Variants in UNC5C observed in about 807,000 individuals in gnomAD.
UNC5C encodes the protein netrin receptor UNC5C.
In UNC5C, 47 loss-of-function variants were observed where a neutral mutation model predicts 99.8. The ratio of observed to expected loss-of-function variants is 0.47; its 90% CI spans 0.37 to 0.60. The LOEUF is 0.60. Among genes scored for constraint, UNC5C ranks in the 20% least tolerant of loss-of-function variants. The pLI is 0.00. For synonymous variants in UNC5C, 487 were observed against 452.2 expected (o/e 1.08, Z -0.98); for missense variants, 1,062 against 1,165.9 (o/e 0.91, Z 1.30).
At chr4:95,411,649 T>C (rs1475204654) in intron 1 of UNC5C, among the ~76,000 whole-genome samples, 2 of 152,216 alleles carry the variant, frequency 1.3e-5, no homozygotes, top group East Asian at 1.9e-4. Context: ...TGCATTTCAC[T>C]GGAGGAAATT....
chr4:95,439,698 T>G (rs533226266), intron 1 of UNC5C, among the ~76,000 whole-genome samples: 13 of 152,328 alleles, frequency 8.5e-5, no homozygotes, highest in African/African-American at 2.9e-4. Context: ...AAAGGTGTTC[T>G]GAGGTCAAAT....
intron 1 of UNC5C, among the ~76,000 whole-genome samples, chr4:95,343,880 TAC>T (rs1158175709): frequency 3.3e-5 from 5 of 151,892 alleles, no homozygotes; most frequent in African/African-American, 1.2e-4. Flanking sequence ...TATTTGAAAG[TAC>T]ACAGTCAGAA....
At chr4:95,530,909 T>C (rs1326494133) in intron 1 of UNC5C, among the ~76,000 whole-genome samples, 1 of 152,170 alleles carries the variant, frequency 6.6e-6, no homozygotes, top group Non-Finnish European at 1.5e-5. Context: ...CCATCAAAAT[T>C]AATTTAAAAA....
chr4:95,340,488 C>T (rs943675836), intron 1 of UNC5C, among the ~76,000 whole-genome samples: 1 of 151,900 alleles, frequency 6.6e-6, no homozygotes, highest in Admixed American at 6.6e-5. Flanking sequence ...GAATGAGACT[C>T]CAGCTTATTT....
At position 95,237,507 on chromosome 4, in the gene UNC5C, G is replaced by C. The variant is rs552037172; in HGVS notation, c.1108+4922C>G. 2.0e-5 allele frequency among the ~76,000 whole-genome samples: 3 copies of C among 152,248 alleles called. No individual in the cohort carries two copies. The East Asian group carries it at 5.8e-4, about 29-fold the overall frequency. Reference sequence around the variant, plus strand: ...TCAATTGGTGTCAAATTTGAGGAAAGAAATAGATTTCTAACATGTCTTATC... The same window carrying C: ...TCAATTGGTGTCAAATTTGAGGAAACAAATAGATTTCTAACATGTCTTATC... On this transcript the variant is annotated intron_variant, in intron 7 of 15. Transcript: ENST00000453304.
At chr4:95,255,217 T>C (rs1336358937) in intron 4 of UNC5C, among the ~76,000 whole-genome samples, 1 of 152,026 alleles carries the variant, frequency 6.6e-6, no homozygotes, top group Non-Finnish European at 1.5e-5. Flanking sequence ...TGACCTCAAG[T>C]GATCTGCCTG....
intron 1 of UNC5C, among the ~76,000 whole-genome samples, chr4:95,340,667 T>G (rs1743535297): frequency 6.6e-6 from 1 of 152,112 alleles, no homozygotes; most frequent in African/African-American, 2.4e-5. Flanking sequence ...AACAAACTTT[T>G]TTTTGCTTTT....
At chr4:95,460,599 A>T (rs1747571778) in intron 1 of UNC5C, among the ~76,000 whole-genome samples, 1 of 152,158 alleles carries the variant, frequency 6.6e-6, no homozygotes, top group South Asian at 2.1e-4. Flanking sequence ...CCACCATGTA[A>T]GTCATGCCTT....
chr4:95,491,369 C>CA (rs1215784460), intron 1 of UNC5C, among the ~76,000 whole-genome samples: 16 of 151,560 alleles, frequency 1.1e-4, no homozygotes, highest in African/African-American at 3.9e-4. Flanking sequence ...GGATAAGAAA[C>CA]ATTTGGTGTT....
chr4:95,296,176 G>C (rs552674914), intron 3 of UNC5C, among the ~76,000 whole-genome samples: 1 of 152,166 alleles, frequency 6.6e-6, no homozygotes, highest in Non-Finnish European at 1.5e-5. Context: ...CCTGTACAGA[G>C]AGAATTTGAA....
intron 14 of UNC5C, among the ~76,000 whole-genome samples, chr4:95,175,614 G>C (rs1031157616): frequency 0.028 from 4,316 of 151,962 alleles, 140 homozygotes; most frequent in African/African-American, 0.075. Flanking sequence ...GAGAGATCAG[G>C]TGTTAGTCTG....
chr4:95,371,426 G>A (rs1225622596), intron 1 of UNC5C, among the ~76,000 whole-genome samples: 1 of 50,718 alleles, frequency 2.0e-5, no homozygotes, highest in East Asian at 9.4e-4. Context: ...TATTTTGTGG[G>A]GGGGGGGGAG....
Position 95,245,073 on chromosome 4 carries a change from G to A in UNC5C, c.847C>T (p.Arg283Cys), listed in dbSNP as rs1437584015. ...NSRCGRGYQK[R>C]TRTCTNPAPL... ...GCCGGGTTGGTACAAGTCCTTGTAC[G>A]TTTCTGATACCCTCGTCCACAGCGG... The change falls in exon 6 of 16, where the codon CGT becomes TGT. Residue 283 changes from arginine (R) to cysteine (C), a missense_variant. Physicochemically the swap from Arg to Cys is radical, Grantham distance 180 (BLOSUM62 -3). Around this residue, in one of 3 missense-constraint regions of UNC5C, gnomAD observed 810 missense variants for 854.5 expected, o/e 0.95. Coordinates refer to ENST00000453304, the MANE Select transcript of UNC5C (RefSeq NM_003728.4). 3 of 1,614,044 alleles carry A rather than the reference G, an allele frequency of 1.9e-6. No individual in the cohort carries two copies. The highest frequency in any genetic ancestry group is 1.7e-6 in the Non-Finnish European group (2 of 1,179,988).
Position 95,461,562 on chromosome 4 carries a change from T to C in UNC5C, c.124+87172A>G, listed in dbSNP as rs60287409. ...CTTACAAATATCTCAAGCTGATTAA[T>C]AGAATTAACTGTTAACAAAGACACA... On this transcript the variant is annotated intron_variant, in intron 1 of 15. Coordinates refer to ENST00000453304, the MANE Select transcript of UNC5C (RefSeq NM_003728.4). 9.6e-3 allele frequency among the ~76,000 whole-genome samples: 1,459 copies of C among 152,318 alleles called. 28 individuals are homozygous for C. The highest frequency in any genetic ancestry group is 0.033 in the African/African-American group (1,368 of 41,572).
chr4:95,539,114 G>C (rs1722851790), intron 1 of UNC5C, among the ~76,000 whole-genome samples: 1 of 152,208 alleles, frequency 6.6e-6, no homozygotes, highest in Admixed American at 6.5e-5. Flanking sequence ...CATGTAGGGT[G>C]CTTACCAGGG....
chr4:95,202,063 A>G (rs1737695713), intron 12 of UNC5C, among the ~76,000 whole-genome samples: 1 of 152,110 alleles, frequency 6.6e-6, no homozygotes, highest in Non-Finnish European at 1.5e-5. Context: ...CAAAGTAATG[A>G]TGCCTCCGTC....
At position 95,278,331 on chromosome 4, in the gene UNC5C, T is replaced by C; in HGVS notation, c.522A>G (p.Leu174=). The change falls in exon 4 of 16, where the codon CTA becomes CTG. Residue 174 remains leucine, a synonymous_variant. Transcript: ENST00000453304. ...CCTGTTCCAAAGACACTTCCTTTCC[T>C]AGGGGTTCCTGCTCAAATGTCTTCC... The part of the protein sequence containing the change: ...YLRKTFEQEP[L]GKEVSLEQEV... 1 of 1,614,144 alleles carries C rather than the reference T, an allele frequency of 6.2e-7. No individual in the cohort carries two copies. The highest frequency in any genetic ancestry group is 8.5e-7 in the Non-Finnish European group (1 of 1,180,018).
chr4:95,240,100 A>G (rs1024167498), intron 7 of UNC5C, among the ~76,000 whole-genome samples: 5 of 152,190 alleles, frequency 3.3e-5, no homozygotes, highest in Non-Finnish European at 7.3e-5. Context: ...CTATTTATTA[A>G]TGCATTCCAG....
chr4:95,509,722 A>G (rs1343846874), intron 1 of UNC5C, among the ~76,000 whole-genome samples: 1 of 151,888 alleles, frequency 6.6e-6, no homozygotes, highest in Admixed American at 6.6e-5. Flanking sequence ...TTGTATTCTC[A>G]GTATATTATT....
Sources: allele counts gnomAD v4.1 joint callset (sites outside exome capture counted in the v4.1 genomes callset), GRCh38; gene constraint gnomAD v4.1.1; regional missense constraint gnomAD v4.1.1; transcripts MANE v1.5; gene names NCBI Gene and HGNC (gene_info 2026-07-23, HGNC 2026-07-21).